The following DISC1 variants were observed in gnomAD, a reference collection of about 807,000 sequenced individuals.
The protein encoded by DISC1 is DISC1 scaffold protein, also known as disrupted in schizophrenia 1 protein.
Under a neutral mutation model 84.5 loss-of-function variants are expected in DISC1, and 57 were observed. The ratio of observed to expected loss-of-function variants is 0.67; its 90% CI spans 0.55 to 0.84. The LOEUF (loss-of-function observed/expected upper bound fraction) is 0.84, where lower values mean the gene tolerates loss of function less well. DISC1 is among the 40% of genes least tolerant of loss of function. DISC1 has a pLI of 0.00. For synonymous variants in DISC1, 411 were observed against 415.2 expected, an observed-to-expected ratio of 0.99 and a Z score of 0.12; for missense variants, 1,000 against 1,057.8, an observed-to-expected ratio of 0.95 and a Z score of 0.76.
chr1:231,828,827 C>T (rs561840657), intron 9 of DISC1, among the ~76,000 whole-genome samples: 80 of 152,176 alleles, frequency 5.3e-4, no homozygotes, highest in African/African-American at 1.8e-3. Context: ...AGTTAATCCT[C>T]GTAACTGTAG....
intron 9 of DISC1, among the ~76,000 whole-genome samples, chr1:231,866,923 A>G (rs991407818): frequency 5.9e-5 from 9 of 152,348 alleles, no homozygotes; most frequent in African/African-American, 2.2e-4. Flanking sequence ...TCGTGGGACA[A>G]ACTTCAAAAG....
At chr1:231,748,831 A>G (rs758678628) in intron 3 of DISC1, among the ~76,000 whole-genome samples, 2 of 152,230 alleles carry the variant, frequency 1.3e-5, no homozygotes, top group Non-Finnish European at 2.9e-5. Context: ...TAAAGGTTCA[A>G]CAGAGGGTGT....
chr1:231,927,914 C>T lies in DISC1; in HGVS notation c.1982-30914C>T, dbSNP rs1364087211. 2.0e-5 allele frequency among the ~76,000 whole-genome samples: 3 copies of T among 152,332 alleles called. No individual in the cohort carries two copies. The East Asian group carries it at 5.8e-4, about 29-fold the overall frequency. On this transcript the variant is annotated intron_variant, in intron 9 of 12. Transcript: ENST00000439617. Reference sequence around the variant, plus strand: ...TTGATGCTATAGTTCCAGAGGGCTGCCCCGCCAGGCCACTCTGTCTTTTGC... The same window carrying T: ...TTGATGCTATAGTTCCAGAGGGCTGTCCCGCCAGGCCACTCTGTCTTTTGC...
At chr1:231,696,974 G>A (rs1485718977) in intron 2 of DISC1, among the ~76,000 whole-genome samples, 5 of 152,206 alleles carry the variant, frequency 3.3e-5, no homozygotes, top group Non-Finnish European at 5.9e-5. Flanking sequence ...AGAGTAGTGG[G>A]AATGACAGAA....
At chr1:231,963,543 A>G (rs1160549740) in intron 10 of DISC1, among the ~76,000 whole-genome samples, 1 of 148,144 alleles carries the variant, frequency 6.8e-6, no homozygotes, top group African/African-American at 2.5e-5. Context: ...CACCCTCACC[A>G]GGCCTTCCCA....
At chr1:231,733,762 G>GAA (rs2072024849) in intron 3 of DISC1, among the ~76,000 whole-genome samples, 1 of 64,514 alleles carries the variant, frequency 1.6e-5, no homozygotes, top group Non-Finnish European at 4.0e-5. Flanking sequence ...ATGAGTAGTG[G>GAA]TGGTAGTGGT....
At chr1:231,691,867 A>G (rs1572913261) in intron 1 of DISC1, among the ~76,000 whole-genome samples, 2 of 152,310 alleles carry the variant, frequency 1.3e-5, no homozygotes, top group South Asian at 4.1e-4. Flanking sequence ...GGGCCCGGAC[A>G]CTGCAGGGAG....
intron 12 of DISC1, among the ~76,000 whole-genome samples, chr1:232,035,335 T>C (rs567825622): frequency 2.0e-5 from 3 of 152,190 alleles, no homozygotes; most frequent in African/African-American, 7.2e-5. Context: ...ATCCCAGCTA[T>C]TTGGGAGGCT....
intron 3 of DISC1, among the ~76,000 whole-genome samples, chr1:231,715,864 G>C (rs1008496231): frequency 1.3e-5 from 2 of 152,198 alleles, no homozygotes; most frequent in Admixed American, 6.5e-5. Flanking sequence ...TTTAGTAACT[G>C]TCTCTGTACC....
At chr1:232,003,542 A>G (rs1240846254) in intron 10 of DISC1, among the ~76,000 whole-genome samples, 1 of 152,182 alleles carries the variant, frequency 6.6e-6, no homozygotes, top group East Asian at 1.9e-4. Context: ...TCATTTCAGA[A>G]ACTCATAGAT....
At chr1:231,866,393 G>A in intron 9 of DISC1, 1 of 640,430 alleles carries the variant, frequency 1.6e-6, no homozygotes, top group Non-Finnish European at 2.9e-6. Context: ...GTCACTTCAA[G>A]CAGAAATGTA....
At chr1:231,784,514 C>T (rs1049019211) in intron 6 of DISC1, among the ~76,000 whole-genome samples, 1 of 152,144 alleles carries the variant, frequency 6.6e-6, no homozygotes, top group Admixed American at 6.5e-5. Context: ...ATGTCCTTAG[C>T]CTTGGCCAGA....
chr1:232,026,635 G>C, intron 12 of DISC1, 83 bp downstream of exon 12: 2 of 942,236 alleles, frequency 2.1e-6, no homozygotes, highest in Admixed American at 4.0e-5. Flanking sequence ...TCATGCCTCA[G>C]AAGATGGCAA....
chr1:232,026,253 T>A (rs200150341), intron 11 of DISC1, among the ~76,000 whole-genome samples, 182 bp from the exon 12 acceptor site: 195 of 152,338 alleles, frequency 1.3e-3, no homozygotes, highest in Non-Finnish European at 2.0e-3. Context: ...AAGCTCATTC[T>A]TTGGTCATAA....
intron 9 of DISC1, among the ~76,000 whole-genome samples, chr1:231,847,223 C>A (rs1364463531): frequency 1.3e-5 from 2 of 152,036 alleles, no homozygotes; most frequent in African/African-American, 4.8e-5. Context: ...CATGGCCTTC[C>A]CTTTGTGTGT....
At chr1:231,895,566 A>G (rs1200949380) in intron 9 of DISC1, among the ~76,000 whole-genome samples, 1 of 151,900 alleles carries the variant, frequency 6.6e-6, no homozygotes. Flanking sequence ...GGTTTTAAAA[A>G]TTAAATTATT....
intron 5 of DISC1, among the ~76,000 whole-genome samples, chr1:231,767,834 A>G (rs999623635): frequency 9.2e-5 from 14 of 152,242 alleles, no homozygotes; most frequent in African/African-American, 3.4e-4. Flanking sequence ...CTGCCAGGCC[A>G]ATTTGCCACT....
chr1:231,693,761 A>C (rs2065318121), intron 1 of DISC1, 65 bp from the exon 2 acceptor site: 6 of 1,608,920 alleles, frequency 3.7e-6, no homozygotes, highest in South Asian at 1.1e-5. Context: ...TGTTCTCCAG[A>C]TGCAGTTCCA....
chr1:231,705,646 T>G (rs145945523), intron 3 of DISC1, among the ~76,000 whole-genome samples: 2 of 152,270 alleles, frequency 1.3e-5, no homozygotes, highest in East Asian at 3.9e-4. Context: ...ACTAAGTCAT[T>G]AGGAAAGTTT....
Sources: allele counts gnomAD v4.1 joint callset (sites outside exome capture counted in the v4.1 genomes callset), GRCh38; gene constraint gnomAD v4.1.1; transcripts MANE v1.5; gene names NCBI Gene and HGNC (gene_info 2026-07-23, HGNC 2026-07-21).